DPP6: variants seen among roughly 807,000 people sequenced by gnomAD.
DPP6 encodes A-type potassium channel modulatory protein DPP6.
A neutral mutation model predicts 122.6 loss-of-function variants in DPP6; 69 were observed. The observed-to-expected ratio is 0.56, with a 90% CI of 0.46 to 0.69. DPP6 has a LOEUF of 0.69. DPP6 is among the 30% of genes least tolerant of loss of function. DPP6 has a pLI of 0.00. For missense variants in DPP6, 928 were observed against 1,116.9 expected (o/e 0.83, Z 2.41); for synonymous variants, 418 against 433.1 (o/e 0.97, Z 0.43).
intron 4 of DPP6, among the ~76,000 whole-genome samples, chr7:154,554,218 A>AC (rs1210316850): frequency 2.4e-4 from 36 of 152,160 alleles, no homozygotes; most frequent in Admixed American, 2.2e-3. Flanking sequence ...TTTCTCATTG[A>AC]CCAGGAAGGG....
At chr7:154,147,648 T>C (rs961031534) in intron 1 of DPP6, among the ~76,000 whole-genome samples, 1 of 146,364 alleles carries the variant, frequency 6.8e-6, no homozygotes, top group African/African-American at 2.6e-5. Context: ...CCCAGCTAAT[T>C]TGTGTGTGTG....
chr7:154,563,615 G>A (rs893464789), intron 4 of DPP6, among the ~76,000 whole-genome samples: 3 of 152,168 alleles, frequency 2.0e-5, no homozygotes, highest in African/African-American at 7.2e-5. Flanking sequence ...TAGATGTAGG[G>A]TGTGTAAAAC....
At chr7:154,053,088 G>T (rs1238808536) in intron 1 of DPP6, 25 bp downstream of exon 1, 2 of 1,068,680 alleles carry the variant, frequency 1.9e-6, no homozygotes, top group Non-Finnish European at 1.1e-6. Context: ...GGGGCGGGGG[G>T]CGGCGGCGGG....
intron 1 of DPP6, among the ~76,000 whole-genome samples, chr7:154,346,489 T>C (rs1447438836): frequency 1.3e-5 from 2 of 152,146 alleles, no homozygotes; most frequent in East Asian, 1.9e-4. Context: ...GTATTTTTAT[T>C]AGAGACGAGG....
At chr7:154,243,958 C>T (rs912213019) in intron 1 of DPP6, among the ~76,000 whole-genome samples, 10 of 151,634 alleles carry the variant, frequency 6.6e-5, no homozygotes, top group African/African-American at 1.5e-4. Flanking sequence ...ATGTAAGTTG[C>T]GTCTCAACAG....
the DPP6 span, among the ~76,000 whole-genome samples, chr7:153,780,515 T>C: frequency 5.3e-5 from 8 of 152,160 alleles, no homozygotes; most frequent in Non-Finnish European, 1.0e-4. Flanking sequence ...TTGGCATTTA[T>C]TTATTAAACA....
chr7:154,522,447 C>T (rs1200088856), intron 3 of DPP6, among the ~76,000 whole-genome samples: 1 of 152,146 alleles, frequency 6.6e-6, no homozygotes, highest in East Asian at 1.9e-4. Context: ...GTTCACATCT[C>T]ACTTAGGGTC....
At chr7:153,891,246 T>C (rs1208681418) in intron 1 of DPP6, among the ~76,000 whole-genome samples, 1 of 146,634 alleles carries the variant, frequency 6.8e-6, no homozygotes, top group African/African-American at 2.5e-5. Flanking sequence ...ATGGTCTCGA[T>C]CTCTTGACCT....
chr7:154,538,710 A>T (rs1023763116), intron 3 of DPP6, among the ~76,000 whole-genome samples: 1 of 152,046 alleles, frequency 6.6e-6, no homozygotes, highest in East Asian at 1.9e-4. Flanking sequence ...GTGCTTTCTA[A>T]AAAAAAATTC....
intron 1 of DPP6, among the ~76,000 whole-genome samples, chr7:154,424,808 C>T (rs373608912): frequency 8.5e-5 from 13 of 152,334 alleles, no homozygotes; most frequent in Middle Eastern, 3.4e-3. Flanking sequence ...AATCTCCTGA[C>T]ACTTAAATGC....
intron 2 of DPP6, among the ~76,000 whole-genome samples, chr7:154,453,111 C>T (rs567679794): frequency 6.6e-6 from 1 of 152,192 alleles, no homozygotes; most frequent in African/African-American, 2.4e-5. Context: ...GTGACCTTCT[C>T]CGGTGCCACA....
chr7:154,142,361 A>G (rs1458249194), intron 1 of DPP6, among the ~76,000 whole-genome samples: 2 of 152,202 alleles, frequency 1.3e-5, no homozygotes, highest in African/African-American at 2.4e-5. Flanking sequence ...ATATAAATCA[A>G]TGGGCAGATA....
At chr7:154,002,888 C>T (rs1797748759) in intron 1 of DPP6, among the ~76,000 whole-genome samples, 1 of 152,168 alleles carries the variant, frequency 6.6e-6, no homozygotes, top group Admixed American at 6.5e-5. Flanking sequence ...ATGACAGGAA[C>T]ACCCTGCCTC....
intron 1 of DPP6, among the ~76,000 whole-genome samples, chr7:154,063,611 A>G (rs1802421541): frequency 9.4e-6 from 1 of 106,632 alleles, no homozygotes; most frequent in Non-Finnish European, 1.9e-5. Context: ...TGAGGGAGGC[A>G]CCCCCCACGA....
intron 1 of DPP6, among the ~76,000 whole-genome samples, chr7:153,948,040 C>T (rs370642523): frequency 7.9e-5 from 12 of 152,260 alleles, no homozygotes; most frequent in South Asian, 2.1e-4. Flanking sequence ...AGAGCCATAC[C>T]GGTGACCTCA....
Position 154,625,344 on chromosome 7 carries a change from A to G in DPP6, c.628-12477A>G, listed in dbSNP as rs574270399. Among the ~76,000 whole-genome samples, 6 of 152,190 alleles carry G rather than the reference A, an allele frequency of 3.9e-5. No homozygotes were observed. In the South Asian group the frequency reaches 1.2e-3, roughly 32 times the overall value. ...TTTTTTTTTTTTAAGATAGAAGGAG[A>G]AACAGCAGGAGAGGGAAGAAGTGGA... is the stretch of plus-strand genomic sequence containing the variant. On this transcript the variant is annotated intron_variant, in intron 5 of 25. Coordinates refer to ENST00000377770, the MANE Select transcript of DPP6 (RefSeq NM_130797.4).
At chr7:154,649,386 G>T (rs1836720506) in intron 6 of DPP6, among the ~76,000 whole-genome samples, 1 of 151,954 alleles carries the variant, frequency 6.6e-6, no homozygotes, top group African/African-American at 2.4e-5. Flanking sequence ...CTTTCTCTTG[G>T]GTGAATACCT....
At chr7:154,766,226 C>T (rs1484516088) in intron 8 of DPP6, among the ~76,000 whole-genome samples, 1 of 152,222 alleles carries the variant, frequency 6.6e-6, no homozygotes, top group Non-Finnish European at 1.5e-5. Flanking sequence ...TGTGGAATGA[C>T]ATTCAGAGGA....
At chr7:154,445,932 C>A (rs940853767) in intron 1 of DPP6, among the ~76,000 whole-genome samples, 1 of 152,132 alleles carries the variant, frequency 6.6e-6, no homozygotes, top group Non-Finnish European at 1.5e-5. Context: ...GGAGGAGGAG[C>A]ATTAGGTTTG....
Sources: allele counts gnomAD v4.1 joint callset (sites outside exome capture counted in the v4.1 genomes callset), GRCh38; gene constraint gnomAD v4.1.1; transcripts MANE v1.5; gene names NCBI Gene and HGNC (gene_info 2026-07-23, HGNC 2026-07-21).